The following GCNT2 variants were observed in gnomAD, a reference collection of about 807,000 sequenced individuals.
GCNT2 encodes the protein glucosaminyl (N-acetyl) transferase 2 (I blood group), also known as N-acetyllactosaminide beta-1,6-N-acetylglucosaminyl-transferase.
A neutral mutation model predicts 34.2 loss-of-function variants in GCNT2; 34 were observed. That is an observed-to-expected ratio of 1.00 (90% CI 0.76 to 1.32). The LOEUF is 1.32. GCNT2 is among the 40% of genes most tolerant of loss of function. The pLI is 0.00. For synonymous variants in GCNT2, 212 were observed against 188.0 expected (o/e 1.13, Z -1.04); for missense variants, 584 against 489.4 (o/e 1.19, Z -1.82).
intron 3 of GCNT2, among the ~76,000 whole-genome samples, chr6:10,588,890 C>CGTGTGTGTTAT (rs1764479400): frequency 7.1e-6 from 1 of 140,088 alleles, no homozygotes; most frequent in Admixed American, 7.0e-5. Context: ...GTGTTTGTAG[C>CGTGTGTGTTAT]GTGTGTGTTG....
At chr6:10,584,148 G>A (rs1399990989) in intron 3 of GCNT2, among the ~76,000 whole-genome samples, 1 of 152,114 alleles carries the variant, frequency 6.6e-6, no homozygotes, top group Non-Finnish European at 1.5e-5. Flanking sequence ...TCCTATCTTG[G>A]CGAGGGGAAT....
At position 10,626,677 on chromosome 6, in the gene GCNT2, C is replaced by A; in HGVS notation, c.*70C>A. 2 of 1,177,522 alleles carry A rather than the reference C, an allele frequency of 1.7e-6. No individual in the cohort carries two copies. Among genetic ancestry groups the A allele is most frequent in the Non-Finnish European group, 2.5e-6 (2 of 788,218 alleles). The allele number at this position is 1,177,522 out of a possible 1,614,324, so 72.9% of individuals were successfully genotyped here. A position where few individuals can be genotyped will look rare whatever the true frequency, so the allele number is the denominator to read the frequency against. On this transcript the variant is annotated 3_prime_UTR_variant, in exon 5 of 5. Coordinates refer to ENST00000495262, the MANE Select transcript of GCNT2 (RefSeq NM_145649.5). ...AAGAGGAGCCTGTTTTTGTGAGAGA[C>A]TTTTGCCTTCGTAATGTTAACCGTT...
At chr6:10,583,407 G>A (rs749787197) in intron 3 of GCNT2, among the ~76,000 whole-genome samples, 10 of 152,274 alleles carry the variant, frequency 6.6e-5, no homozygotes, top group Admixed American at 2.0e-4. Context: ...GGAGTGAGAT[G>A]GGAGCAGGGC....
intron 3 of GCNT2, among the ~76,000 whole-genome samples, chr6:10,571,741 T>G (rs1004467263): frequency 1.3e-5 from 2 of 152,168 alleles, no homozygotes; most frequent in African/African-American, 4.8e-5. Context: ...ATCTGTGTAG[T>G]TGGTATAATT....
intron 3 of GCNT2, among the ~76,000 whole-genome samples, chr6:10,604,429 T>C (rs1040663927): frequency 1.3e-5 from 2 of 152,154 alleles, no homozygotes; most frequent in African/African-American, 2.4e-5. Context: ...AAATAAACAA[T>C]TGGCTACTTC....
chr6:10,555,839 T>G (rs1292169198), intron 3 of GCNT2: 1 of 985,282 alleles, frequency 1.0e-6, no homozygotes, highest in Admixed American at 6.1e-5. Flanking sequence ...AACAGCACGT[T>G]GGAAAACAGA....
intron 3 of GCNT2, among the ~76,000 whole-genome samples, chr6:10,579,493 A>G (rs765686326): frequency 1.1e-4 from 17 of 152,108 alleles, no homozygotes; most frequent in East Asian, 1.9e-4. Context: ...TTTGATCTCT[A>G]TAAGTACTAG....
intron 3 of GCNT2, among the ~76,000 whole-genome samples, chr6:10,583,848 GCT>G (rs1764224294): frequency 6.6e-6 from 1 of 152,108 alleles, no homozygotes; most frequent in African/African-American, 2.4e-5. Context: ...GTTATCTGAA[GCT>G]CTCTTTGTGA....
At chr6:10,541,546 T>C (rs1762037522) in intron 3 of GCNT2, among the ~76,000 whole-genome samples, 1 of 152,218 alleles carries the variant, frequency 6.6e-6, no homozygotes, top group Non-Finnish European at 1.5e-5. Flanking sequence ...GTCAAATTCC[T>C]ATACGTTTTA....
intron 3 of GCNT2, among the ~76,000 whole-genome samples, chr6:10,557,762 G>A (rs1762790018): frequency 6.6e-6 from 1 of 152,144 alleles, no homozygotes; most frequent in South Asian, 2.1e-4. Flanking sequence ...AAAATGCTGG[G>A]ATTATAGCCA....
At chr6:10,543,930 A>G (rs67153505) in intron 3 of GCNT2, among the ~76,000 whole-genome samples, 11,804 of 152,294 alleles carry the variant, frequency 0.078, 601 homozygotes, top group Middle Eastern at 0.16. Context: ...CTGACATTGA[A>G]TTAAGGACAC....
chr6:10,559,341 TTTC>T (rs1054303658), intron 3 of GCNT2, among the ~76,000 whole-genome samples: 6 of 152,190 alleles, frequency 3.9e-5, no homozygotes, highest in African/African-American at 9.7e-5. Context: ...AATGCTACCT[TTTC>T]TTCTCTTTTT....
At chr6:10,551,514 C>T (rs1035124892) in intron 3 of GCNT2, among the ~76,000 whole-genome samples, 2 of 149,312 alleles carry the variant, frequency 1.3e-5, no homozygotes, top group African/African-American at 2.5e-5. Context: ...GGCACGATTT[C>T]GGCTCACAGC....
At chr6:10,560,084 ATAT>A (rs1218696616) in intron 3 of GCNT2, among the ~76,000 whole-genome samples, 2 of 152,152 alleles carry the variant, frequency 1.3e-5, no homozygotes, top group Non-Finnish European at 2.9e-5. Context: ...CCGTTAATCA[ATAT>A]CAGCTCTTCT....
chr6:10,597,987 C>A (rs1208925911), intron 3 of GCNT2, among the ~76,000 whole-genome samples: 1 of 152,176 alleles, frequency 6.6e-6, no homozygotes, highest in African/African-American at 2.4e-5. Flanking sequence ...CCACACTATA[C>A]AATTCTGTTC....
chr6:10,576,918 A>G (rs1308494234), intron 3 of GCNT2, among the ~76,000 whole-genome samples: 2 of 151,150 alleles, frequency 1.3e-5, no homozygotes, highest in Non-Finnish European at 2.9e-5. Flanking sequence ...TAAAAATAAT[A>G]ACAATAATAA....
intron 3 of GCNT2, among the ~76,000 whole-genome samples, chr6:10,614,395 G>A (rs1349169988): frequency 1.3e-5 from 2 of 152,124 alleles, no homozygotes; most frequent in East Asian, 1.9e-4. Context: ...GGGAGGCCAG[G>A]GCGAGTGGAG....
At chr6:10,584,055 G>A (rs182648074) in intron 3 of GCNT2, among the ~76,000 whole-genome samples, 5 of 152,054 alleles carry the variant, frequency 3.3e-5, no homozygotes, top group African/African-American at 9.7e-5. Flanking sequence ...CTGGGGGACC[G>A]GCGCTTAGTA....
At chr6:10,613,099 A>C (rs1210384163) in intron 3 of GCNT2, among the ~76,000 whole-genome samples, 4 of 152,242 alleles carry the variant, frequency 2.6e-5, no homozygotes, top group East Asian at 3.8e-4. Flanking sequence ...TTAAATAATA[A>C]GCAATTTCTG....
Sources: gnomAD v4.1 joint callset for allele counts (sites outside exome capture counted in the v4.1 genomes callset) on GRCh38, gnomAD v4.1.1 for gene constraint, MANE v1.5 for transcripts, NCBI Gene and HGNC (gene_info 2026-07-23, HGNC 2026-07-21) for gene names.